Variants in ADCY5 observed in about 807,000 individuals in gnomAD.
The protein encoded by ADCY5 is adenylate cyclase 5.
A neutral mutation model predicts 119.7 loss-of-function variants in ADCY5; 30 were observed. The ratio of observed to expected loss-of-function variants is 0.25; its 90% CI spans 0.19 to 0.34. The LOEUF (loss-of-function observed/expected upper bound fraction) is 0.34. Ranked by LOEUF, ADCY5 falls within the 10% of genes least tolerant of loss-of-function variation. ADCY5 has a pLI of 1.00. For missense variants in ADCY5, 1,324 were observed against 1,775.2 expected, an observed-to-expected ratio of 0.75 and a Z score of 4.57; for synonymous variants, 753 against 762.2, an observed-to-expected ratio of 0.99 and a Z score of 0.20.
chr3:123,346,981 T>C (rs1464700051), intron 3 of ADCY5, among the ~76,000 whole-genome samples: 1 of 152,172 alleles, frequency 6.6e-6, no homozygotes, highest in African/African-American at 2.4e-5. Flanking sequence ...GCAGCTTCTG[T>C]CTAGGGAGGC....
intron 3 of ADCY5, 130 bp from the exon 4 acceptor site, chr3:123,332,805 A>G: frequency 1.6e-6 from 1 of 633,048 alleles, no homozygotes. Context: ...CCCAGGCTGG[A>G]GTGCAGTGGT....
At position 123,447,536 on chromosome 3, in the gene ADCY5, T is replaced by G. The variant is rs763565436; in HGVS notation, c.1010A>C (p.Tyr337Ser). ...CACGGGCAGCAGCGTGTAGATGGTGTAGATGAAGAACACGGTCCACCAGAT... is the reference window on the plus strand; with the variant it reads ...CACGGGCAGCAGCGTGTAGATGGTGGAGATGAAGAACACGGTCCACCAGAT... ...EGIWWTVFFI[Y>S]TIYTLLPVRM... Residue 337 changes from tyrosine to serine, a missense_variant, in exon 1 of 21, where the codon TAC becomes TCC. Tyr to Ser is a moderately radical substitution (Grantham distance 144). Coordinates refer to ENST00000462833, the MANE Select transcript of ADCY5 (RefSeq NM_183357.3). 5 of 1,610,410 alleles carry G rather than the reference T, an allele frequency of 3.1e-6. No individual in the cohort carries two copies. The highest frequency in any genetic ancestry group is 4.2e-6 in the Non-Finnish European group (5 of 1,179,652).
At chr3:123,345,556 C>A (rs1942490319) in intron 3 of ADCY5, among the ~76,000 whole-genome samples, 1 of 152,156 alleles carries the variant, frequency 6.6e-6, no homozygotes. Flanking sequence ...AGTGACTTGG[C>A]TCGTATATGT....
At chr3:123,400,902 C>T (rs1232239807) in intron 1 of ADCY5, among the ~76,000 whole-genome samples, 2 of 151,800 alleles carry the variant, frequency 1.3e-5, no homozygotes, top group Admixed American at 1.3e-4. Context: ...CGAGATCACG[C>T]CACTGCACTC....
intron 1 of ADCY5, among the ~76,000 whole-genome samples, chr3:123,396,771 A>C (rs868070576): frequency 0.039 from 2,718 of 69,850 alleles, 58 homozygotes; most frequent in Non-Finnish European, 0.059. Flanking sequence ...GGAAGGAAGG[A>C]AGGAAGGAAG....
At chr3:123,425,316 T>G (rs1945384063) in intron 1 of ADCY5, among the ~76,000 whole-genome samples, 1 of 152,214 alleles carries the variant, frequency 6.6e-6, no homozygotes, top group Non-Finnish European at 1.5e-5. Context: ...TTGGGCTTAT[T>G]GTCTCGGTTA....
chr3:123,345,771 C>CACACAGACACACAG (rs1559824427), intron 3 of ADCY5, among the ~76,000 whole-genome samples: 2 of 150,176 alleles, frequency 1.3e-5, no homozygotes, highest in African/African-American at 5.0e-5. Flanking sequence ...GACAGACAGA[C>CACACAGACACACAG]ACACACACAC....
intron 1 of ADCY5, among the ~76,000 whole-genome samples, chr3:123,432,445 C>T (rs1945539624): frequency 6.6e-6 from 1 of 152,154 alleles, no homozygotes. Flanking sequence ...GCAACACAGC[C>T]CCTCCCAACA....
chr3:123,321,371 C>A (rs1291520500), intron 8 of ADCY5, among the ~76,000 whole-genome samples: 1 of 152,206 alleles, frequency 6.6e-6, no homozygotes, highest in South Asian at 2.1e-4. Flanking sequence ...AAGGAACCCA[C>A]CTGCCACAGA....
At chr3:123,341,407 A>G (rs1942272667) in intron 3 of ADCY5, among the ~76,000 whole-genome samples, 1 of 152,202 alleles carries the variant, frequency 6.6e-6, no homozygotes, top group African/African-American at 2.4e-5. Flanking sequence ...GTTTCCACAT[A>G]CATGAGCTAC....
intron 3 of ADCY5, among the ~76,000 whole-genome samples, chr3:123,345,941 T>C (rs1942530111): frequency 6.6e-6 from 1 of 152,190 alleles, no homozygotes; most frequent in South Asian, 2.1e-4. Flanking sequence ...GGGTAAAAAC[T>C]AGTACCAGAA....
chr3:123,386,455 C>T (rs922075284), intron 1 of ADCY5, among the ~76,000 whole-genome samples: 1 of 152,212 alleles, frequency 6.6e-6, no homozygotes, highest in African/African-American at 2.4e-5. Context: ...AACTGGGGTG[C>T]CCCCAGAACT....
chr3:123,409,713 G>A (rs1420517687), intron 1 of ADCY5, among the ~76,000 whole-genome samples: 1 of 152,138 alleles, frequency 6.6e-6, no homozygotes, highest in South Asian at 2.1e-4. Context: ...TCTCCAGGAG[G>A]TTAAGATGCC....
In ADCY5 at chr3:123,359,331, AATATATATATATATATAT is replaced by A. The variant is rs57105101; in HGVS notation, c.1135-6768_1135-6751del. On this transcript the variant is annotated intron_variant, in intron 1 of 20. Transcript: ENST00000462833. ...AATATTTGGGACCTACTTATACTAA[AATATATATATATATATAT>A]ATATATATATATATTCATTATTTAT... is the stretch of plus-strand genomic sequence containing the variant. Among the ~76,000 whole-genome samples the A allele has an allele frequency of 2.6e-4, 28 of 109,764 alleles. 1 individual carries two copies. Among genetic ancestry groups the A allele is most frequent in the African/African-American group, 6.7e-4 (18 of 26,972 alleles). 72.0% of individuals were successfully genotyped at this position (109,764 alleles called of 152,430 possible).
chr3:123,434,993 T>C (rs1945582570), intron 1 of ADCY5, among the ~76,000 whole-genome samples: 1 of 152,078 alleles, frequency 6.6e-6, no homozygotes, highest in South Asian at 2.1e-4. Context: ...GCTTAATAAG[T>C]GAGCACTGAG....
At chr3:123,323,322 A>G (rs1197038842) in intron 8 of ADCY5, among the ~76,000 whole-genome samples, 1 of 152,242 alleles carries the variant, frequency 6.6e-6, no homozygotes, top group Non-Finnish European at 1.5e-5. Flanking sequence ...TCCTTGTCCT[A>G]ATGATGAGTA....
At chr3:123,293,114 T>C (rs531064330) in intron 17 of ADCY5, among the ~76,000 whole-genome samples, 1 of 152,142 alleles carries the variant, frequency 6.6e-6, no homozygotes, top group Non-Finnish European at 1.5e-5. Context: ...GCAGGAAGGT[T>C]CGGGGGGCTA....
At chr3:123,347,954 A>T (rs1473852540) in intron 2 of ADCY5, 51 bp from the exon 3 acceptor site, 3 of 1,600,640 alleles carry the variant, frequency 1.9e-6, no homozygotes, top group Middle Eastern at 1.7e-4. Flanking sequence ...CCTGCCTGGC[A>T]AGTGCTCGCT....
chr3:123,304,410 G>A lies in ADCY5; in HGVS notation c.2443-227C>T, dbSNP rs75198825. On this transcript the variant is annotated intron_variant, in intron 12 of 20. Coordinates refer to ENST00000462833, the MANE Select transcript of ADCY5 (RefSeq NM_183357.3). ...GCAGATTCTGCAGCTGACCAGGAGC[G>A]GGACTACGTGGGGAACCCAGGTGAG... 8.5e-3 allele frequency among the ~76,000 whole-genome samples: 1,295 copies of A among 152,250 alleles called. 10 individuals are homozygous for A. Among genetic ancestry groups the A allele is most frequent in the African/African-American group, 0.029 (1,210 of 41,530 alleles).
Sources: gnomAD v4.1 joint callset for allele counts (sites outside exome capture counted in the v4.1 genomes callset) on GRCh38, gnomAD v4.1.1 for gene constraint, MANE v1.5 for transcripts, NCBI Gene and HGNC (gene_info 2026-07-23, HGNC 2026-07-21) for gene names.